ABI2: variants seen among roughly 807,000 people sequenced by gnomAD.
The protein encoded by ABI2 is abelson interactor 2.
Under a neutral mutation model 59.2 loss-of-function variants are expected in ABI2, and 25 were observed. That is an observed-to-expected ratio of 0.42 (90% CI 0.31 to 0.59). ABI2 has a LOEUF of 0.59. ABI2 is among the 20% of genes least tolerant of loss of function. The pLI, the probability that ABI2 is intolerant of heterozygous loss-of-function variation, is 0.14. For missense variants in ABI2, 545 were observed against 681.8 expected (o/e 0.80, Z 2.23); for synonymous variants, 213 against 235.5 (o/e 0.90, Z 0.87).
rs1327860152 is a variant in ABI2, at chr2:203,430,422, G to T, written c.*3070G>T. On this transcript the variant is annotated 3_prime_UTR_variant, in exon 12 of 12. Transcript: ENST00000261018. ...GTCCCCTTAAAAAAAATGAATAGTT[G>T]TCTTTTCTTGTCATATTAATACTCG... 3 of 152,028 alleles carry T rather than the reference G, an allele frequency of 2.0e-5. No individual in the cohort carries two copies. Among genetic ancestry groups the T allele is most frequent in the African/African-American group, 7.2e-5 (3 of 41,400 alleles). The allele number at this position is 152,028 out of a possible 1,614,324, so 9.4% of individuals were successfully genotyped here.
rs185699402 is a variant in ABI2 at position 203,418,237 on chromosome 2, T to C, written c.1453+1156T>C. Among the ~76,000 whole-genome samples the C allele has an allele frequency of 4.6e-5, 7 of 152,372 alleles. No homozygotes were observed. The East Asian group carries it at 1.3e-3, about 29-fold the overall frequency. On this transcript the variant is annotated intron_variant, in intron 11 of 11. Transcript: ENST00000261018. The stretch of plus-strand genomic sequence containing the variant: ...ATAGACAAAATATTTCCACGTTTGA[T>C]GAAAACTATATTAGTTGTGTATTGC...
At chr2:203,388,553 C>T (rs546339990) in intron 4 of ABI2, among the ~76,000 whole-genome samples, 31 of 151,920 alleles carry the variant, frequency 2.0e-4, no homozygotes, top group Non-Finnish European at 3.4e-4. Context: ...CGTGGTGGTG[C>T]GCCTGTAATC....
Position 203,396,854 on chromosome 2 carries a change from C to T in ABI2, c.920C>T (p.Pro307Leu), listed in dbSNP as rs1238764869. The T allele has an allele frequency of 2.8e-5, 43 of 1,535,178 alleles. No individual in the cohort carries two copies. Among genetic ancestry groups the T allele is most frequent in the Non-Finnish European group, 3.5e-5 (40 of 1,146,558 alleles). The change falls in exon 8 of 12, where the codon CCT (proline) becomes CTT (leucine). Residue 307 changes from proline to leucine, a missense_variant. Coordinates refer to ENST00000261018, the MANE Select transcript of ABI2 (RefSeq NM_001375670.1). Reference protein sequence around the residue: ...TSASAPAPLVPATVPSSTAPD... With the variant: ...TSASAPAPLVLATVPSSTAPD... ...GCATCTGCCCCTGCTCCTCTTGTTCCTGCTACTGTCCCTTCCTCCACTGCC... is the reference window on the plus strand; with the variant it reads ...GCATCTGCCCCTGCTCCTCTTGTTCTTGCTACTGTCCCTTCCTCCACTGCC...
chr2:203,400,144 C>T (rs904066694), intron 8 of ABI2, among the ~76,000 whole-genome samples: 8 of 113,882 alleles, frequency 7.0e-5, no homozygotes, highest in African/African-American at 2.4e-4. Context: ...GGCTGGAATA[C>T]AGTGGCAATC....
chr2:203,378,829 CTT>C (rs1328844868), intron 2 of ABI2, among the ~76,000 whole-genome samples: 1 of 152,202 alleles, frequency 6.6e-6, no homozygotes, highest in East Asian at 1.9e-4. Context: ...TTTTCAAACT[CTT>C]TTGACTGCGA....
At chr2:203,359,468 A>G (rs1019236888) in intron 1 of ABI2, among the ~76,000 whole-genome samples, 1 of 152,230 alleles carries the variant, frequency 6.6e-6, no homozygotes, top group African/African-American at 2.4e-5. Flanking sequence ...TATTTTTAAA[A>G]TCTGTTGTAG....
At position 203,422,467 on chromosome 2, in the gene ABI2, T is replaced by C. The variant is rs1439136642; in HGVS notation, c.1454-4710T>C. On this transcript the variant is annotated intron_variant, in intron 11 of 11. Transcript: ENST00000261018. ...GTTGGTATTTGGGAGATTTAGAAGGTGGAATTAACAGGACTTGGGGATGTC... is the reference window on the plus strand; with the variant it reads ...GTTGGTATTTGGGAGATTTAGAAGGCGGAATTAACAGGACTTGGGGATGTC... Among the ~76,000 whole-genome samples the C allele has an allele frequency of 4.0e-5, 6 of 151,866 alleles. No individual in the cohort carries two copies. The East Asian group carries it at 1.2e-3, about 29-fold the overall frequency.
At chr2:203,370,533 A>T (rs1198608038) in intron 2 of ABI2, among the ~76,000 whole-genome samples, 1 of 152,212 alleles carries the variant, frequency 6.6e-6, no homozygotes, top group Non-Finnish European at 1.5e-5. Flanking sequence ...GGCCATATAA[A>T]AGCAGGCAGC....
intron 11 of ABI2, among the ~76,000 whole-genome samples, chr2:203,423,301 A>G (rs1011030675): frequency 5.3e-5 from 8 of 152,236 alleles, no homozygotes; most frequent in African/African-American, 1.9e-4. Flanking sequence ...GCCTTGTGTT[A>G]GGCGCTAGGG....
At chr2:203,378,253 C>T (rs1420039154) in intron 2 of ABI2, among the ~76,000 whole-genome samples, 4 of 152,056 alleles carry the variant, frequency 2.6e-5, no homozygotes, top group Non-Finnish European at 4.4e-5. Context: ...GCTGGGACTA[C>T]AGGCACCCGC....
intron 1 of ABI2, among the ~76,000 whole-genome samples, chr2:203,347,513 G>A (rs776910631): frequency 6.6e-6 from 1 of 152,186 alleles, no homozygotes; most frequent in Non-Finnish European, 1.5e-5. Flanking sequence ...CAAGGAAAAT[G>A]TGCAGTGGAA....
At position 203,375,580 on chromosome 2, in the gene ABI2, T is replaced by C. The variant is rs189847509; in HGVS notation, c.286-4628T>C. On this transcript the variant is annotated intron_variant, in intron 2 of 11. Coordinates refer to ENST00000261018, the MANE Select transcript of ABI2 (RefSeq NM_001375670.1). Reference sequence around the variant, plus strand: ...GCCATAATTACTGATACTGTGAATTTGATGTAGGAAAAATATAGTAGCCAT... The same window carrying C: ...GCCATAATTACTGATACTGTGAATTCGATGTAGGAAAAATATAGTAGCCAT... Among the ~76,000 whole-genome samples the C allele has an allele frequency of 3.5e-4, 54 of 152,294 alleles. 2 individuals carry two copies. Among genetic ancestry groups the C allele is most frequent in the Admixed American group, 3.3e-3 (50 of 15,282 alleles).
At chr2:203,346,141 C>T (rs374189699) in intron 1 of ABI2, among the ~76,000 whole-genome samples, 2 of 151,046 alleles carry the variant, frequency 1.3e-5, no homozygotes, top group African/African-American at 4.9e-5. Context: ...AAGAGTGAAA[C>T]TCCATCTCAA....
intron 11 of ABI2, among the ~76,000 whole-genome samples, chr2:203,425,347 C>T (rs1431377856): frequency 1.3e-5 from 2 of 152,030 alleles, no homozygotes; most frequent in East Asian, 1.9e-4. Flanking sequence ...GGATTACAGG[C>T]GCCCACCACC....
intron 1 of ABI2, among the ~76,000 whole-genome samples, chr2:203,360,826 T>C (rs2093386644): frequency 6.6e-6 from 1 of 152,222 alleles, no homozygotes; most frequent in Non-Finnish European, 1.5e-5. Context: ...GAACATTGAC[T>C]CAACACAAGG....
At chr2:203,362,299 A>G (rs896004564) in intron 1 of ABI2, among the ~76,000 whole-genome samples, 8 of 152,308 alleles carry the variant, frequency 5.3e-5, no homozygotes, top group Admixed American at 3.9e-4. Flanking sequence ...AGAGGAATAT[A>G]TAATGTTAGA....
chr2:203,402,794 C>CA (rs1451533089), intron 9 of ABI2, 60 bp downstream of exon 9: 8 of 1,396,660 alleles, frequency 5.7e-6, no homozygotes, highest in Non-Finnish European at 7.6e-6. Flanking sequence ...CCTTCAACTA[C>CA]AAAAAACCCT....
At chr2:203,344,588 G>A (rs977304618) in intron 1 of ABI2, among the ~76,000 whole-genome samples, 3 of 151,234 alleles carry the variant, frequency 2.0e-5, no homozygotes, top group Non-Finnish European at 2.9e-5. Flanking sequence ...TTGAGTCGGA[G>A]GTTTGCTCTT....
At chr2:203,337,853 A>G (rs1274910451) in intron 1 of ABI2, among the ~76,000 whole-genome samples, 1 of 152,142 alleles carries the variant, frequency 6.6e-6, no homozygotes, top group Non-Finnish European at 1.5e-5. Context: ...CAGCGTGGAG[A>G]AACCTCATCT....
Sources: gnomAD v4.1 joint callset for allele counts (sites outside exome capture counted in the v4.1 genomes callset) on GRCh38, gnomAD v4.1.1 for gene constraint, MANE v1.5 for transcripts, NCBI Gene and HGNC (gene_info 2026-07-23, HGNC 2026-07-21) for gene names.